DYSF: variants seen among roughly 807,000 people sequenced by gnomAD.
DYSF encodes dysferlin.
A neutral mutation model predicts 274.9 loss-of-function variants in DYSF; 212 were observed. The ratio of observed to expected loss-of-function variants is 0.77; its 90% CI spans 0.69 to 0.86. The LOEUF (loss-of-function observed/expected upper bound fraction) is 0.86, where lower values mean the gene tolerates loss of function less well. Among genes scored for constraint, DYSF ranks in the 40% least tolerant of loss-of-function variants. DYSF has a pLI of 0.00. For missense variants in DYSF, 2,666 were observed against 2,783.2 expected (o/e 0.96, Z 0.95); for synonymous variants, 1,091 against 1,078.7 (o/e 1.01, Z -0.22).
chr2:71,466,523 C>G (rs6752164), upstream of DYSF, among the ~76,000 whole-genome samples: 3 of 151,996 alleles, frequency 2.0e-5, no homozygotes, highest in African/African-American at 7.2e-5. Context: ...GCGCCTCGTT[C>G]CTGGCCGGGA....
chr2:71,562,717 GA>G (rs2091853879), intron 23 of DYSF, among the ~76,000 whole-genome samples: 1 of 152,192 alleles, frequency 6.6e-6, no homozygotes, highest in East Asian at 1.9e-4. Flanking sequence ...GTTGCTGGAG[GA>G]AGCTGTGGAA....
chr2:71,515,640 C>T lies in DYSF; in HGVS notation c.777C>T (p.Ile259=), dbSNP rs138054675. 6,467 of 1,613,880 alleles carry T rather than the reference C, an allele frequency of 4.0e-3. 41 individuals carry two copies. The highest frequency in any genetic ancestry group is 3.4e-3 in the Non-Finnish European group (4,053 of 1,179,902). The change falls in exon 8 of 56, where the codon ATC becomes ATT. Residue 259 remains isoleucine (I), a synonymous_variant. Coordinates refer to ENST00000410020, the MANE Select transcript of DYSF (RefSeq NM_001130987.2). ...GCTTTCAGATCAGGGTCCAGGTGAT[C>T]GAGGGGCGCCAGCTGCCGGGGGTGA... is the stretch of plus-strand genomic sequence containing the variant. The part of the protein sequence containing the change: ...PQDFQIRVQV[I]EGRQLPGVNI...
Position 71,590,228 on chromosome 2 carries a change from C to G in DYSF, c.3514C>G (p.Leu1172Val). 1 of 1,614,186 alleles carries G rather than the reference C, an allele frequency of 6.2e-7. No homozygotes were observed. The highest frequency in any genetic ancestry group is 1.3e-5 in the African/African-American group (1 of 75,042). Reference protein sequence around the residue: ...CIFDYGNRYHLRCYMYQARDL... With the variant: ...CIFDYGNRYHVRCYMYQARDL... Reference sequence around the variant, plus strand: ...TGGTGAAGATGGGAACCGCTACCATCTACGCTGCTACATGTACCAGGCCCG... The same window carrying G: ...TGGTGAAGATGGGAACCGCTACCATGTACGCTGCTACATGTACCAGGCCCG... The change falls in exon 32 of 56, where the codon CTA (leucine) becomes GTA (valine). Residue 1172 changes from leucine to valine, a missense_variant. By Grantham distance (32) the Leu-to-Val change is conservative. This residue lies in a region of DYSF where 1,460 missense variants were observed against 1,502.1 expected (regional missense o/e 0.97). Coordinates refer to ENST00000410020, the MANE Select transcript of DYSF (RefSeq NM_001130987.2).
chr2:71,462,465 CTCGTT>C (rs2081323336), upstream of DYSF, among the ~76,000 whole-genome samples: 1 of 152,256 alleles, frequency 6.6e-6, no homozygotes, highest in Non-Finnish European at 1.5e-5. Context: ...TTATCTCGTT[CTCGTT>C]GCCTGCAACA....
intron 45 of DYSF, among the ~76,000 whole-genome samples, chr2:71,663,202 G>A (rs17040305): frequency 0.01 from 1,548 of 152,226 alleles, 27 homozygotes; most frequent in African/African-American, 0.025. Flanking sequence ...GCTGTCATCC[G>A]GGTACTCTCT....
chr2:71,670,302 A>G (rs752671386), intron 51 of DYSF, among the ~76,000 whole-genome samples: 1 of 152,226 alleles, frequency 6.6e-6, no homozygotes, highest in Non-Finnish European at 1.5e-5. Context: ...AGGAAGGACC[A>G]TGGGGTCTGA....
chr2:71,462,543 A>G (rs760596651), upstream of DYSF, among the ~76,000 whole-genome samples: 28 of 152,186 alleles, frequency 1.8e-4, no homozygotes, highest in Admixed American at 3.3e-4. Context: ...CAGCTCTTTC[A>G]GTCCTGCTGT....
chr2:71,632,984 A>C (rs114198301), intron 41 of DYSF, among the ~76,000 whole-genome samples: 1,812 of 152,318 alleles, frequency 0.012, 29 homozygotes, highest in African/African-American at 0.041. Context: ...ATTTTGGTTA[A>C]AGGTCTTTAC....
At chr2:71,454,183 A>G in intron 1 of DYSF, 2 of 1,262,670 alleles carry the variant, frequency 1.6e-6, no homozygotes, top group Non-Finnish European at 2.3e-6. Flanking sequence ...GCTGAGAGAC[A>G]GGAGACTTTC....
intron 7 of DYSF, among the ~76,000 whole-genome samples, chr2:71,515,242 C>T (rs1335486079): frequency 2.0e-5 from 3 of 152,002 alleles, no homozygotes; most frequent in South Asian, 2.1e-4. Context: ...TGTGTAAGTT[C>T]GACCTCTGAG....
intron 17 of DYSF, among the ~76,000 whole-genome samples, chr2:71,543,454 G>T (rs1335032100): frequency 6.6e-5 from 10 of 152,138 alleles, no homozygotes; most frequent in Admixed American, 6.5e-4. Context: ...CTTCCCAGAC[G>T]GGGTGGCGGC....
chr2:71,528,706 T>G (rs1236972932), intron 14 of DYSF, among the ~76,000 whole-genome samples: 1 of 152,176 alleles, frequency 6.6e-6, no homozygotes, highest in Non-Finnish European at 1.5e-5. Flanking sequence ...AGCAATAGCA[T>G]GGAAACCAGA....
intron 41 of DYSF, among the ~76,000 whole-genome samples, chr2:71,624,548 C>G (rs1386816715): frequency 6.6e-6 from 1 of 152,064 alleles, no homozygotes; most frequent in Non-Finnish European, 1.5e-5. Flanking sequence ...CTAAAATACA[C>G]CAGAGCCACT....
chr2:71,661,389 C>T (rs2094879243), intron 45 of DYSF, among the ~76,000 whole-genome samples: 1 of 152,042 alleles, frequency 6.6e-6, no homozygotes, highest in South Asian at 2.1e-4. Flanking sequence ...TTACGTTTAA[C>T]CAAACTAGAC....
chr2:71,519,401 AGAC>A (rs2086991559), intron 10 of DYSF, among the ~76,000 whole-genome samples: 1 of 152,210 alleles, frequency 6.6e-6, no homozygotes, highest in African/African-American at 2.4e-5. Context: ...TTTAAAAAAA[AGAC>A]GACTTTTTAA....
intron 3 of DYSF, among the ~76,000 whole-genome samples, chr2:71,497,817 C>A (rs1192223094): frequency 6.6e-6 from 1 of 152,188 alleles, no homozygotes; most frequent in East Asian, 1.9e-4. Flanking sequence ...AGCTTATATA[C>A]CTTCTAAGCT....
Position 71,515,762 on chromosome 2 carries a change from T to C in DYSF, c.888+11T>C, listed in dbSNP as rs13428076. On this transcript the variant is annotated intron_variant, in intron 8 of 55. Transcript: ENST00000410020. ...CCACTCTTCAATGAGGTGGGAGACATGGGGCATGAGGGCCAGAACCTTGGT... is the reference window on the plus strand; with the variant it reads ...CCACTCTTCAATGAGGTGGGAGACACGGGGCATGAGGGCCAGAACCTTGGT... 212,348 of 1,613,846 alleles carry C rather than the reference T, an allele frequency of 0.13. 14,653 individuals are homozygous for C. The highest frequency in any genetic ancestry group is 0.15 in the African/African-American group (11,107 of 74,976).
At position 71,613,315 on chromosome 2, in the gene DYSF, A is replaced by G; in HGVS notation, c.4388-19A>G. The G allele has an allele frequency of 6.2e-7, 1 of 1,607,246 alleles. No individual in the cohort carries two copies. The highest frequency in any genetic ancestry group is 8.5e-7 in the Non-Finnish European group (1 of 1,176,720). On this transcript the variant is annotated intron_variant, in intron 39 of 55. Transcript: ENST00000410020. ...TTGAGAGAGCCCCTCTCAGGCCTGG[A>G]TGGCTCCCTCCCCTGCAGACGATGT...
At position 71,478,043 on chromosome 2, in the gene DYSF, G is replaced by GTTT. The variant is rs61140655; in HGVS notation, c.92-2827_92-2825dup. 9.9e-3 allele frequency among the ~76,000 whole-genome samples: 1,279 copies of GTTT among 129,204 alleles called. 27 individuals carry two copies. Among genetic ancestry groups the GTTT allele is most frequent in the African/African-American group, 0.033 (1,199 of 36,132 alleles). 84.8% of individuals were successfully genotyped at this position (129,204 alleles called of 152,430 possible). ...ACTTTTCCTTTTTTGGGAAGTTATA[G>GTTT]TTTTTTTTTTTTTTTGCTATATATG... is the stretch of plus-strand genomic sequence containing the variant. On this transcript the variant is annotated intron_variant, in intron 1 of 55. Transcript: ENST00000410020.
Sources: allele counts gnomAD v4.1 joint callset (sites outside exome capture counted in the v4.1 genomes callset), GRCh38; gene constraint gnomAD v4.1.1; regional missense constraint gnomAD v4.1.1; transcripts MANE v1.5; gene names NCBI Gene and HGNC (gene_info 2026-07-23, HGNC 2026-07-21).